Variants in NRG3 observed in about 807,000 individuals in gnomAD.
NRG3 encodes pro-neuregulin-3, membrane-bound isoform.
Under a neutral mutation model 66.9 loss-of-function variants are expected in NRG3, and 31 were observed. That is an observed-to-expected ratio of 0.46 (90% CI 0.35 to 0.63). The LOEUF (loss-of-function observed/expected upper bound fraction) is 0.63, where lower values mean the gene tolerates loss of function less well. Ranked by LOEUF, NRG3 falls within the 20% of genes least tolerant of loss-of-function variation. The pLI is 0.00. For missense variants in NRG3, 910 were observed against 878.9 expected, an observed-to-expected ratio of 1.04 and a Z score of -0.45; for synonymous variants, 393 against 359.4, an observed-to-expected ratio of 1.09 and a Z score of -1.06.
intron 1 of NRG3, among the ~76,000 whole-genome samples, chr10:82,000,217 G>C (rs546764820): frequency 6.6e-6 from 1 of 152,122 alleles, no homozygotes; most frequent in Non-Finnish European, 1.5e-5. Flanking sequence ...AATTTAAGTA[G>C]CATAGAAAAA....
intron 2 of NRG3, among the ~76,000 whole-genome samples, chr10:82,595,648 G>A (rs749985819): frequency 1.1e-4 from 16 of 152,006 alleles, no homozygotes; most frequent in African/African-American, 3.4e-4. Context: ...AGCCAGGCAC[G>A]GTGGTGGGCG....
chr10:82,200,622 T>C (rs898207511), intron 1 of NRG3, among the ~76,000 whole-genome samples: 2 of 152,038 alleles, frequency 1.3e-5, no homozygotes, highest in African/African-American at 2.4e-5. Flanking sequence ...ACAACAAACC[T>C]ATGACGCAAG....
chr10:82,428,460 C>G (rs960509654), intron 2 of NRG3, among the ~76,000 whole-genome samples: 1 of 151,734 alleles, frequency 6.6e-6, no homozygotes, highest in Non-Finnish European at 1.5e-5. Flanking sequence ...TGTTATTTAA[C>G]AGTGTGGGTT....
intron 3 of NRG3, among the ~76,000 whole-genome samples, chr10:82,779,888 G>A (rs1290467723): frequency 1.0e-3 from 24 of 23,868 alleles, no homozygotes; most frequent in Non-Finnish European, 1.5e-3. Flanking sequence ...CCCACCCCCC[G>A]ACAGGCCCCG....
rs553252314 is a variant in NRG3 at position 81,948,048 on chromosome 10, T to C, written c.823+71885T>C. On this transcript the variant is annotated intron_variant, in intron 1 of 8. Coordinates refer to ENST00000372141, the MANE Select transcript of NRG3 (RefSeq NM_001010848.4). ...CTTGTCTGAAGGTTGCTTATTCCAC[T>C]CCCTAATCATAGTGGCTACAAAAGA... Among the ~76,000 whole-genome samples the C allele has an allele frequency of 5.9e-5, 9 of 152,274 alleles. No homozygotes were observed. The East Asian group carries it at 1.7e-3, about 29-fold the overall frequency.
At chr10:82,644,046 C>T (rs2050770390) in intron 2 of NRG3, among the ~76,000 whole-genome samples, 2 of 152,138 alleles carry the variant, frequency 1.3e-5, no homozygotes, top group Non-Finnish European at 2.9e-5. Flanking sequence ...AGTCCTTTTG[C>T]TTTGGCTGGT....
At chr10:82,820,785 A>ACAT (rs2061917300) in intron 3 of NRG3, among the ~76,000 whole-genome samples, 1 of 152,194 alleles carries the variant, frequency 6.6e-6, no homozygotes, top group South Asian at 2.1e-4. Context: ...GTGGTTCAGA[A>ACAT]CATCAACTCT....
chr10:82,135,121 C>CAA (rs199531519), intron 1 of NRG3, among the ~76,000 whole-genome samples: 2 of 84,196 alleles, frequency 2.4e-5, no homozygotes, highest in Non-Finnish European at 5.3e-5. Context: ...GACTCCCTCT[C>CAA]AAAAAAAAAA....
chr10:82,940,119 A>G (rs1009011771), intron 4 of NRG3, among the ~76,000 whole-genome samples: 1 of 152,200 alleles, frequency 6.6e-6, no homozygotes. Context: ...TGCAAAAGGA[A>G]TGCAGAAGGG....
intron 1 of NRG3, among the ~76,000 whole-genome samples, chr10:81,900,638 A>G (rs1225294658): frequency 6.6e-6 from 1 of 152,210 alleles, no homozygotes; most frequent in Admixed American, 6.5e-5. Context: ...TTACATTTTG[A>G]TAATATAGAA....
At chr10:82,306,609 C>A (rs1438509395) in intron 1 of NRG3, among the ~76,000 whole-genome samples, 1 of 145,262 alleles carries the variant, frequency 6.9e-6, no homozygotes, top group Non-Finnish European at 1.5e-5. Flanking sequence ...GAGGCTGAGG[C>A]AGGAGAATGG....
In NRG3 at chr10:82,898,718, T is replaced by C. The variant is rs12413889; in HGVS notation, c.1054+33281T>C. 1.7e-3 allele frequency among the ~76,000 whole-genome samples: 116 copies of C among 68,834 alleles called. 1 individual carries two copies. The highest frequency in any genetic ancestry group is 5.8e-3 in the East Asian group (7 of 1,210). 45.2% of individuals were successfully genotyped at this position (68,834 alleles called of 152,430 possible). ...AATAGAAGGCCAGGAGTTTTACCTTTTTTTTTTTTTTTTTTTTTTTTGAGA... is the reference window on the plus strand; with the variant it reads ...AATAGAAGGCCAGGAGTTTTACCTTCTTTTTTTTTTTTTTTTTTTTTGAGA... On this transcript the variant is annotated intron_variant, in intron 4 of 8. Coordinates refer to ENST00000372141, the MANE Select transcript of NRG3 (RefSeq NM_001010848.4).
At chr10:82,760,726 T>C (rs1473034702) in intron 3 of NRG3, among the ~76,000 whole-genome samples, 1 of 151,956 alleles carries the variant, frequency 6.6e-6, no homozygotes, top group Non-Finnish European at 1.5e-5. Flanking sequence ...AAAGAACTAA[T>C]AAAATCAGCA....
At chr10:81,880,762 A>G (rs1165718361) in intron 1 of NRG3, among the ~76,000 whole-genome samples, 1 of 152,224 alleles carries the variant, frequency 6.6e-6, no homozygotes, top group Non-Finnish European at 1.5e-5. Flanking sequence ...CATAAATCTA[A>G]GTCTGTAAAA....
At chr10:81,909,533 G>A (rs1180907549) in intron 1 of NRG3, among the ~76,000 whole-genome samples, 1 of 152,142 alleles carries the variant, frequency 6.6e-6, no homozygotes, top group Non-Finnish European at 1.5e-5. Context: ...GTACTCAGTT[G>A]TAGCAAAAAT....
At chr10:82,309,336 T>G (rs2080904672) in intron 1 of NRG3, among the ~76,000 whole-genome samples, 1 of 152,186 alleles carries the variant, frequency 6.6e-6, no homozygotes, top group Admixed American at 6.5e-5. Context: ...CTTATAAACT[T>G]CCAGGGGTGA....
rs910657098 is a variant in NRG3 at position 82,358,924 on chromosome 10, G to A, written c.953+56G>A. ...CAGGCCCGTTGCAAGGCGTGGGGGT[G>A]GAGGGTGCTGGCAGCATCTGGTATG... On this transcript the variant is annotated intron_variant, in intron 2 of 8. Coordinates refer to ENST00000372141, the MANE Select transcript of NRG3 (RefSeq NM_001010848.4). 4 of 1,610,924 alleles carry A rather than the reference G, an allele frequency of 2.5e-6. No homozygotes were observed. In the African/African-American group the frequency reaches 5.3e-5, roughly 22 times the overall value.
In NRG3 at chr10:82,316,984, C is replaced by A. The variant is rs543887803; in HGVS notation, c.824-41755C>A. ...TAGCTCATGTGTTCAGCGTGCAGGTCATTTGTGCCAATTAGCTTACCTTTC... is the reference window on the plus strand; with the variant it reads ...TAGCTCATGTGTTCAGCGTGCAGGTAATTTGTGCCAATTAGCTTACCTTTC... On this transcript the variant is annotated intron_variant, in intron 1 of 8. Coordinates refer to ENST00000372141, the MANE Select transcript of NRG3 (RefSeq NM_001010848.4). Among the ~76,000 whole-genome samples, 3 of 152,246 alleles carry A rather than the reference C, an allele frequency of 2.0e-5. No homozygotes were observed. The South Asian group carries it at 6.2e-4, about 32-fold the overall frequency.
intron 2 of NRG3, among the ~76,000 whole-genome samples, chr10:82,359,682 G>T (rs1165898621): frequency 1.3e-5 from 2 of 152,068 alleles, no homozygotes; most frequent in Non-Finnish European, 2.9e-5. Context: ...CTTTGCAATT[G>T]TGTATGCATC....
Sources: gnomAD v4.1 joint callset for allele counts (sites outside exome capture counted in the v4.1 genomes callset) on GRCh38, gnomAD v4.1.1 for gene constraint, MANE v1.5 for transcripts, NCBI Gene and HGNC (gene_info 2026-07-23, HGNC 2026-07-21) for gene names.